Variants in UNK observed in about 807,000 individuals in gnomAD.
The protein encoded by UNK is unk zinc finger.
UNK carries 32 observed loss-of-function variants against 97.6 expected under a neutral mutation model. The observed-to-expected ratio is 0.33, with a 90% confidence interval of 0.25 to 0.44. The LOEUF is 0.44. Among genes scored for constraint, UNK ranks in the 20% least tolerant of loss-of-function variants. The pLI is 1.00. For synonymous variants in UNK, 441 were observed against 461.2 expected (o/e 0.96, Z 0.56); for missense variants, 771 against 1,098.4 (o/e 0.70, Z 4.21).
chr17:75,792,605 AAC>A, intron 1 of UNK: 5 of 500,122 alleles, frequency 1.0e-5, no homozygotes, highest in South Asian at 8.7e-5. Flanking sequence ...CCATATAGAT[AAC>A]TCTATAGATT....
chr17:75,796,810 T>C (rs2061809885), intron 1 of UNK, among the ~76,000 whole-genome samples: 1 of 152,244 alleles, frequency 6.6e-6, no homozygotes, highest in East Asian at 1.9e-4. Flanking sequence ...AACAAACATA[T>C]ACATACTTGG....
chr17:75,796,204 C>T (rs530327936), intron 1 of UNK, among the ~76,000 whole-genome samples: 1 of 152,262 alleles, frequency 6.6e-6, no homozygotes, highest in East Asian at 1.9e-4. Context: ...GAATAATACT[C>T]CCTGAGCTTG....
intron 1 of UNK, chr17:75,793,977 T>A: frequency 1.0e-6 from 1 of 985,402 alleles, no homozygotes; most frequent in Non-Finnish European, 1.2e-6. Context: ...TACTATACGT[T>A]TCTGATGTCA....
chr17:75,821,657 G>A (rs1264673839), intron 13 of UNK: 1 of 456,628 alleles, frequency 2.2e-6, no homozygotes, highest in Non-Finnish European at 4.4e-6. Flanking sequence ...GGTTGGATTA[G>A]TGGGAAAGGG....
Position 75,816,752 on chromosome 17 carries a change from T to C in UNK, c.962-18T>C. ...GAGCTGGCTGGGGCCTGCTGACCCCTGCCCCTGACTCTTGCAGAGCCACCC... is the reference window on the plus strand; with the variant it reads ...GAGCTGGCTGGGGCCTGCTGACCCCCGCCCCTGACTCTTGCAGAGCCACCC... On this transcript the variant is annotated intron_variant, in intron 7 of 15. Transcript: ENST00000589666. This position sits in a 1 kb window ranked among gnomAD's most constrained non-coding sequence, Gnocchi z 4.0. 1.3e-6 allele frequency: 2 copies of C among 1,591,284 alleles called. No homozygotes were observed. The highest frequency in any genetic ancestry group is 1.7e-6 in the Non-Finnish European group (2 of 1,173,348).
chr17:75,819,478 C>G lies in UNK; in HGVS notation c.1547-206C>G, dbSNP rs935813588. 4 of 589,986 alleles carry G rather than the reference C, an allele frequency of 6.8e-6. No individual in the cohort carries two copies. Among genetic ancestry groups the G allele is most frequent in the Middle Eastern group, 4.4e-4 (1 of 2,262 alleles). The allele number at this position is 589,986 out of a possible 1,614,324, so 36.5% of individuals were successfully genotyped here. A position where few individuals can be genotyped will look rare whatever the true frequency, so the allele number is the denominator to read the frequency against. ...TCAAAGAAGATTCAGAAAGGAGAGG[C>G]ATTTGGGTTGGACATGACTGGCAGA... On this transcript the variant is annotated intron_variant, in intron 11 of 15. Transcript: ENST00000589666. The surrounding 1 kb of genome is among the most constrained non-coding windows in gnomAD (Gnocchi z 5.4).
intron 1 of UNK, among the ~76,000 whole-genome samples, chr17:75,796,415 C>T (rs2143699147): frequency 6.6e-6 from 1 of 151,656 alleles, no homozygotes; most frequent in Non-Finnish European, 1.5e-5. Flanking sequence ...AACTCCTGGG[C>T]TCAAATGATC....
In UNK at chr17:75,824,176, G is replaced by T; in HGVS notation, c.2278-86G>T. ...CGGTACCTCAGTTTTCCCATCCCAA[G>T]GGGCTGCAGTGAGGATCAAGGGAAC... On this transcript the variant is annotated intron_variant, in intron 15 of 15. Transcript: ENST00000589666. This position sits in a 1 kb window ranked among gnomAD's most constrained non-coding sequence, Gnocchi z 4.9. The T allele has an allele frequency of 7.1e-7, 1 of 1,414,336 alleles. No individual in the cohort carries two copies. Among genetic ancestry groups the T allele is most frequent in the Non-Finnish European group, 9.3e-7 (1 of 1,074,246 alleles). The allele number at this position is 1,414,336 out of a possible 1,614,324, so 87.6% of individuals were successfully genotyped here. A position where few individuals can be genotyped will look rare whatever the true frequency, so the allele number is the denominator to read the frequency against.
In UNK at chr17:75,823,360, A is replaced by G; in HGVS notation, c.2115A>G (p.Ala705=). The change falls in exon 15 of 16, where the codon GCA becomes GCG. Residue 705 remains alanine, a synonymous_variant. Coordinates refer to ENST00000589666, the MANE Select transcript of UNK (RefSeq NM_001080419.3). ...AGCTGGCCCGGGAGCAGCGGGATGC[A>G]CTGGAGGTGCAGGTGAAGAAGCTCC... The part of the protein sequence containing the change: ...ECELAREQRD[A]LEVQVKKLQE... 1.9e-6 allele frequency: 3 copies of G among 1,611,558 alleles called. No homozygotes were observed. The highest frequency in any genetic ancestry group is 2.5e-6 in the Non-Finnish European group (3 of 1,179,142).
At chr17:75,795,988 G>A (rs1042017584) in intron 1 of UNK, among the ~76,000 whole-genome samples, 2 of 152,196 alleles carry the variant, frequency 1.3e-5, no homozygotes, top group Admixed American at 6.5e-5. Flanking sequence ...TTGAGTGCCC[G>A]TAGCACTTGA....
intron 1 of UNK, among the ~76,000 whole-genome samples, chr17:75,803,733 A>G (rs914614622): frequency 6.6e-6 from 1 of 152,238 alleles, no homozygotes; most frequent in Non-Finnish European, 1.5e-5. Flanking sequence ...GAAGCTGAAT[A>G]TTCTGATGTG....
intron 1 of UNK, among the ~76,000 whole-genome samples, chr17:75,802,881 C>CT (rs1227642397): frequency 6.6e-6 from 1 of 152,164 alleles, no homozygotes; most frequent in African/African-American, 2.4e-5. Flanking sequence ...AATCCCAGCA[C>CT]TTTGAGAGGC....
intron 1 of UNK, chr17:75,785,191 T>A: frequency 2.0e-6 from 1 of 496,252 alleles, no homozygotes; most frequent in Non-Finnish European, 3.5e-6. Flanking sequence ...GGCGGGAAAC[T>A]CGGTCCCGGC....
chr17:75,804,632 G>C (rs1422927511), intron 1 of UNK, among the ~76,000 whole-genome samples: 1 of 151,262 alleles, frequency 6.6e-6, no homozygotes, highest in Non-Finnish European at 1.5e-5. Context: ...GAGGTCAGGA[G>C]TTCAAGACCA....
At chr17:75,805,399 G>GA (rs75234473) in intron 1 of UNK, among the ~76,000 whole-genome samples, 22,952 of 104,736 alleles carry the variant, frequency 0.22, 2,019 homozygotes, top group South Asian at 0.3. Flanking sequence ...TCTCAAAAAG[G>GA]AAAAAAAAAA....
At chr17:75,813,631 G>T (rs1386230918) in intron 5 of UNK, 130 bp from the exon 6 acceptor site, 1 of 767,728 alleles carries the variant, frequency 1.3e-6, no homozygotes, top group Non-Finnish European at 2.1e-6. Flanking sequence ...GCACCAGCAA[G>T]GCCCTGACTC....
intron 1 of UNK, among the ~76,000 whole-genome samples, chr17:75,786,876 C>CA (rs1044471225): frequency 2.7e-5 from 4 of 150,234 alleles, no homozygotes; most frequent in South Asian, 2.1e-4. Flanking sequence ...GAAACAAAAA[C>CA]AAAAAAAAAG....
At chr17:75,822,203 G>A (rs1303874204) in intron 13 of UNK, among the ~76,000 whole-genome samples, 1 of 152,260 alleles carries the variant, frequency 6.6e-6, no homozygotes, top group Non-Finnish European at 1.5e-5. Flanking sequence ...GGTGAGGCCA[G>A]TGTGGGAGTC....
intron 3 of UNK, 82 bp from the exon 4 acceptor site, chr17:75,812,373 G>T: frequency 6.3e-7 from 1 of 1,582,060 alleles, no homozygotes; most frequent in Non-Finnish European, 8.6e-7. Context: ...GAGTACCTCA[G>T]ACTGCAGTGG....
Sources: allele counts gnomAD v4.1 joint callset (sites outside exome capture counted in the v4.1 genomes callset), GRCh38; gene constraint gnomAD v4.1.1; non-coding constraint Gnocchi (gnomAD v3.1); transcripts MANE v1.5; gene names NCBI Gene and HGNC (gene_info 2026-07-23, HGNC 2026-07-21).